Variants in MAPK8 observed in about 807,000 individuals in gnomAD.
The protein encoded by MAPK8 is mitogen-activated protein kinase 8, also known as JUN N-terminal kinase.
MAPK8 carries 13 observed loss-of-function variants against 52.9 expected under a neutral mutation model. The observed-to-expected ratio is 0.25, with a 90% confidence interval of 0.16 to 0.39. The LOEUF is 0.39. Ranked by LOEUF, MAPK8 falls within the 10% of genes least tolerant of loss-of-function variation. The pLI, the probability that MAPK8 is intolerant of heterozygous loss-of-function variation, is 1.00. For missense variants in MAPK8, 300 were observed against 519.2 expected (o/e 0.58, Z 4.10); for synonymous variants, 191 against 169.8 (o/e 1.12, Z -0.97).
chr10:48,434,491 T>A (rs2044672093), intron 11 of MAPK8, among the ~76,000 whole-genome samples: 1 of 152,188 alleles, frequency 6.6e-6, no homozygotes, highest in African/African-American at 2.4e-5. Context: ...AGTTACACAG[T>A]CCTTTAAGAT....
Position 48,398,661 on chromosome 10 carries a change from A to G in MAPK8, c.-49-2951A>G, listed in dbSNP as rs113500759. 3.9e-5 allele frequency among the ~76,000 whole-genome samples: 6 copies of G among 152,366 alleles called. No individual in the cohort carries two copies. The South Asian group carries it at 1.0e-3, about 26-fold the overall frequency. ...AACCCTAAAACTGTAAACAGTTGAA[A>G]TGTCCAAGTGGTACGTCCACACAAT... On this transcript the variant is annotated intron_variant, in intron 1 of 11. Transcript: ENST00000374189.
At chr10:48,378,120 CA>C (rs780832797) in intron 1 of MAPK8, among the ~76,000 whole-genome samples, 5 of 152,134 alleles carry the variant, frequency 3.3e-5, no homozygotes, top group Non-Finnish European at 5.9e-5. Flanking sequence ...TCCTTGTGGT[CA>C]AAAATCTTTC....
At chr10:48,409,850 A>T (rs750298197) in intron 3 of MAPK8, 29 bp from the exon 4 acceptor site, 1 of 1,507,290 alleles carries the variant, frequency 6.6e-7, no homozygotes, top group Non-Finnish European at 9.1e-7. Context: ...GTAATTTCTA[A>T]TTTTTCTGTC....
chr10:48,370,185 G>A (rs1210878648), intron 1 of MAPK8, among the ~76,000 whole-genome samples: 1 of 152,162 alleles, frequency 6.6e-6, no homozygotes, highest in African/African-American at 2.4e-5. Context: ...GTGAATGGAA[G>A]AAGAGGTATT....
chr10:48,399,586 T>C (rs1564581992), intron 1 of MAPK8, among the ~76,000 whole-genome samples: 3 of 152,240 alleles, frequency 2.0e-5, no homozygotes, highest in South Asian at 4.1e-4. Flanking sequence ...CTTGCTGTTA[T>C]TCTTTTAGCA....
chr10:48,434,151 A>G (rs1193857634), intron 11 of MAPK8, among the ~76,000 whole-genome samples: 1 of 152,170 alleles, frequency 6.6e-6, no homozygotes, highest in Non-Finnish European at 1.5e-5. Flanking sequence ...GTTAGGTAAT[A>G]CTTTCGGCAA....
chr10:48,314,423 A>T (rs970763339), intron 1 of MAPK8, among the ~76,000 whole-genome samples: 2 of 152,236 alleles, frequency 1.3e-5, no homozygotes, highest in South Asian at 2.1e-4. Flanking sequence ...TAACATCATT[A>T]TACTGGTATA....
rs377076409 is a variant in MAPK8 at position 48,371,976 on chromosome 10, TGGA to T, written c.-49-29634_-49-29632del. On this transcript the variant is annotated intron_variant, in intron 1 of 11. Coordinates refer to ENST00000374189, the MANE Select transcript of MAPK8 (RefSeq NM_001323329.2). ...TAACACAAGGCGTGGAGAAGGGGCA[TGGA>T]GTTTTCATGCCTTCTCCAGCTATGC... 4.5e-3 allele frequency among the ~76,000 whole-genome samples: 686 copies of T among 152,202 alleles called. 3 individuals carry two copies. Among genetic ancestry groups the T allele is most frequent in the African/African-American group, 0.015 (618 of 41,530 alleles).
At chr10:48,426,298 A>G in intron 8 of MAPK8, 82 bp from the exon 9 acceptor site, 1 of 1,281,858 alleles carries the variant, frequency 7.8e-7, no homozygotes, top group Non-Finnish European at 1.1e-6. Flanking sequence ...TATGCTTTTT[A>G]AAAAATCTCA....
At chr10:48,377,668 A>T (rs1281126205) in intron 1 of MAPK8, among the ~76,000 whole-genome samples, 1 of 152,212 alleles carries the variant, frequency 6.6e-6, no homozygotes, top group African/African-American at 2.4e-5. Flanking sequence ...GAGGTGACAG[A>T]GCAACAGGAT....
chr10:48,395,739 G>A (rs73307989), intron 1 of MAPK8, among the ~76,000 whole-genome samples: 1 of 151,922 alleles, frequency 6.6e-6, no homozygotes, highest in East Asian at 1.9e-4. Context: ...TAACTAAGAC[G>A]TAACATACAG....
At chr10:48,414,872 A>G (rs1390854881) in intron 5 of MAPK8, among the ~76,000 whole-genome samples, 2 of 152,092 alleles carry the variant, frequency 1.3e-5, no homozygotes, top group African/African-American at 4.8e-5. Flanking sequence ...ATGAGCCATC[A>G]TGCCCAGCCT....
rs1351171207 is a variant in MAPK8, at chr10:48,337,176, C to T, written c.-50+30355C>T. Among the ~76,000 whole-genome samples, 6 of 152,132 alleles carry T rather than the reference C, an allele frequency of 3.9e-5. No individual in the cohort carries two copies. The East Asian group carries it at 5.8e-4, about 15-fold the overall frequency. On this transcript the variant is annotated intron_variant, in intron 1 of 11. Transcript: ENST00000374189. ...ACAACCACAGAATACACATTTTACT[C>T]ATCTTTGCATGCTCTAAAAATGACC...
At chr10:48,424,533 G>GT in intron 7 of MAPK8, 1 of 1,599,718 alleles carries the variant, frequency 6.3e-7, no homozygotes, top group South Asian at 1.1e-5. Context: ...GGTCAGTTGG[G>GT]TGCATCATGG....
intron 1 of MAPK8, among the ~76,000 whole-genome samples, chr10:48,368,311 CAG>C (rs1337140394): frequency 1.3e-5 from 2 of 152,200 alleles, no homozygotes; most frequent in African/African-American, 4.8e-5. Flanking sequence ...GAGAAAGACT[CAG>C]TGTTGTCTTG....
At chr10:48,341,780 C>G (rs919204740) in intron 1 of MAPK8, among the ~76,000 whole-genome samples, 5 of 152,164 alleles carry the variant, frequency 3.3e-5, no homozygotes, top group Non-Finnish European at 7.4e-5. Context: ...TATAAAGATA[C>G]CTGATTTAGG....
At chr10:48,313,428 C>T (rs1294141776) in intron 1 of MAPK8, among the ~76,000 whole-genome samples, 1 of 151,640 alleles carries the variant, frequency 6.6e-6, no homozygotes, top group Non-Finnish European at 1.5e-5. Context: ...GGTGTAGACT[C>T]TGTCTCAAAA....
rs1194827860 is a variant in MAPK8, at chr10:48,425,495, T to C, written c.689-393T>C. 1.7e-5 allele frequency: 6 copies of C among 358,750 alleles called. No homozygotes were observed. In the East Asian group the frequency reaches 2.6e-4, roughly 16 times the overall value. The allele number at this position is 358,750 out of a possible 1,614,324, so 22.2% of individuals were successfully genotyped here. ...TTCTAGAAATATTGTCTAGGAGATA[T>C]AATCATGTTTTCTGATAAATTGACA... On this transcript the variant is annotated intron_variant, in intron 7 of 11. Transcript: ENST00000374189.
At chr10:48,400,105 A>C (rs956177144) in intron 1 of MAPK8, among the ~76,000 whole-genome samples, 2 of 152,248 alleles carry the variant, frequency 1.3e-5, no homozygotes, top group African/African-American at 4.8e-5. Context: ...GATTAGGATG[A>C]ACAATCCCTG....
Sources: allele counts gnomAD v4.1 joint callset (sites outside exome capture counted in the v4.1 genomes callset), GRCh38; gene constraint gnomAD v4.1.1; transcripts MANE v1.5; gene names NCBI Gene and HGNC (gene_info 2026-07-23, HGNC 2026-07-21).